The following NUP133 variants were observed in gnomAD, a reference collection of about 807,000 sequenced individuals.
The protein encoded by NUP133 is nuclear pore complex protein Nup133.
NUP133 carries 66 observed loss-of-function variants against 146.2 expected under a neutral mutation model. The observed-to-expected ratio is 0.45, with a 90% CI of 0.37 to 0.55. The LOEUF is 0.55. Among genes scored for constraint, NUP133 ranks in the 20% least tolerant of loss-of-function variants. The probability of loss-of-function intolerance (pLI) is 0.00; values close to 1 mark genes in which losing one functional copy is unlikely to be tolerated. For missense variants in NUP133, 1,277 were observed against 1,374.8 expected (o/e 0.93, Z 1.12); for synonymous variants, 521 against 498.8 (o/e 1.04, Z -0.59).
At chr1:229,457,601 A>AT (rs1167414035) in intron 21 of NUP133, among the ~76,000 whole-genome samples, 2 of 152,056 alleles carry the variant, frequency 1.3e-5, no homozygotes, top group African/African-American at 4.8e-5. Flanking sequence ...TTTTGTTTTA[A>AT]TTTTGCATTA....
rs1027483669 is a variant in NUP133, at chr1:229,484,122, T to C, written c.1524A>G (p.Thr508=). The C allele has an allele frequency of 3.1e-6, 5 of 1,613,334 alleles. No individual in the cohort carries two copies. Among genetic ancestry groups the C allele is most frequent in the Non-Finnish European group, 4.2e-6 (5 of 1,179,554 alleles). ...CTTCCTGGGCTATAGTTTCATTCTT[T>C]GTAGTGGTCTCAAAAATCATACTCT... ...NSESMIFETT[T]KNETIAQEDK... Residue 508 remains threonine, a synonymous_variant, in exon 12 of 26, where the codon ACA becomes ACG. Transcript: ENST00000261396.
At chr1:229,477,470 A>T in intron 13 of NUP133, 127 bp downstream of exon 13, 1 of 721,952 alleles carries the variant, frequency 1.4e-6, no homozygotes. Context: ...AGGTCACAAT[A>T]TTTTAAAAAA....
intron 10 of NUP133, among the ~76,000 whole-genome samples, chr1:229,487,239 T>C (rs1321912721): frequency 6.6e-6 from 1 of 152,190 alleles, no homozygotes; most frequent in African/African-American, 2.4e-5. Flanking sequence ...CATCTTCTCC[T>C]GGAACAAATG....
intron 12 of NUP133, 103 bp from the exon 13 acceptor site, chr1:229,477,863 A>G: frequency 2.4e-6 from 2 of 822,100 alleles, no homozygotes; most frequent in Non-Finnish European, 3.7e-6. Context: ...AAAAAAAAGA[A>G]TGCGATCCTG....
intron 8 of NUP133, 134 bp from the exon 9 acceptor site, chr1:229,490,236 CAG>C (rs1459378120): frequency 7.0e-6 from 5 of 715,960 alleles, no homozygotes; most frequent in Non-Finnish European, 1.0e-5. Context: ...AATTTAAAAA[CAG>C]AAACAGAAAA....
At position 229,464,719 on chromosome 1, in the gene NUP133, T is replaced by C. The variant is rs753746303; in HGVS notation, c.2456A>G (p.Gln819Arg). The C allele has an allele frequency of 1.2e-6, 2 of 1,614,206 alleles. No homozygotes were observed. Among genetic ancestry groups the C allele is most frequent in the Non-Finnish European group, 8.5e-7 (1 of 1,180,044 alleles). ...ACTGGATTTATCCACAGACTTAAGC[T>C]GAGAAACATAACCATCCAGGAAGCA... ...IDCFLDGYVS[Q>R]LKSVDKSSNR... The change falls in exon 18 of 26, where the codon CAG (glutamine) becomes CGG (arginine). Residue 819 changes from glutamine (Q) to arginine (R), a missense_variant. Physicochemically the swap from Gln to Arg is conservative, Grantham distance 43. Around this residue, in one of 3 missense-constraint regions of NUP133, gnomAD observed 952 missense variants for 1,047.0 expected, o/e 0.91. Coordinates refer to ENST00000261396, the MANE Select transcript of NUP133 (RefSeq NM_018230.3).
intron 12 of NUP133, among the ~76,000 whole-genome samples, chr1:229,483,355 C>G (rs1347124735): frequency 6.6e-6 from 1 of 152,140 alleles, no homozygotes; most frequent in Admixed American, 6.5e-5. Context: ...TCTGCCTCAG[C>G]CTCCCAAAGT....
chr1:229,492,908 T>C (rs938863049), intron 8 of NUP133, among the ~76,000 whole-genome samples: 15 of 151,754 alleles, frequency 9.9e-5, no homozygotes, highest in Non-Finnish European at 4.4e-5. Context: ...CCAAAAACCA[T>C]TGAAATAAAA....
Position 229,484,119 on chromosome 1 carries a change from C to A in NUP133, c.1527G>T (p.Lys509Asn), listed in dbSNP as rs760389221. The change falls in exon 12 of 26, where the codon AAG becomes AAT. Residue 509 changes from lysine (K) to asparagine (N), a missense_variant. By Grantham distance (94) the Lys-to-Asn change is moderately conservative. Transcript: ENST00000261396. Reference sequence around the variant, plus strand: ...TATCTTCCTGGGCTATAGTTTCATTCTTTGTAGTGGTCTCAAAAATCATAC... The same window carrying A: ...TATCTTCCTGGGCTATAGTTTCATTATTTGTAGTGGTCTCAAAAATCATAC... ...SESMIFETTTKNETIAQEDKI... is the reference protein window; with the variant it reads ...SESMIFETTTNNETIAQEDKI... The A allele has an allele frequency of 6.2e-7, 1 of 1,613,134 alleles. No individual in the cohort carries two copies. Among genetic ancestry groups the A allele is most frequent in the African/African-American group, 1.3e-5 (1 of 74,894 alleles).
intron 2 of NUP133, among the ~76,000 whole-genome samples, chr1:229,505,725 A>G (rs1661918241): frequency 6.6e-6 from 1 of 151,924 alleles, no homozygotes; most frequent in Admixed American, 6.6e-5. Flanking sequence ...TGTCTCTACT[A>G]AAAATACAAA....
At chr1:229,466,334 GA>G (rs34261379) in intron 16 of NUP133, among the ~76,000 whole-genome samples, 88,622 of 151,466 alleles carry the variant, frequency 0.59, 26,367 homozygotes, top group Middle Eastern at 0.78. Flanking sequence ...CCTTCTCTCA[GA>G]AAAAAAACCA....
chr1:229,450,445 A>T, intron 23 of NUP133, 80 bp downstream of exon 23: 4 of 668,532 alleles, frequency 6.0e-6, no homozygotes, highest in East Asian at 2.9e-5. Context: ...ATTCATTTTC[A>T]TGATTGACTA....
chr1:229,466,677 A>G lies in NUP133; in HGVS notation c.2156T>C (p.Ile719Thr). 2 of 1,614,112 alleles carry G rather than the reference A, an allele frequency of 1.2e-6. No homozygotes were observed. Among genetic ancestry groups the G allele is most frequent in the Non-Finnish European group, 8.5e-7 (1 of 1,179,976 alleles). ...ATTGATCACCACTTCAGCCCATTCA[A>G]TGGAATCCATAGGTGCATCCCTCAA... is the stretch of plus-strand genomic sequence containing the variant. ...QVLRDAPMDS[I>T]EWAEVVINVN... The change falls in exon 16 of 26, where the codon ATT (isoleucine) becomes ACT (threonine). Residue 719 changes from isoleucine (I) to threonine (T), a missense_variant. Ile to Thr is a moderately conservative substitution (Grantham distance 89). This residue lies in a region of NUP133 where 952 missense variants were observed against 1,047.0 expected (regional missense o/e 0.91). Coordinates refer to ENST00000261396, the MANE Select transcript of NUP133 (RefSeq NM_018230.3).
chr1:229,496,968 G>T (rs1661671475), intron 6 of NUP133, among the ~76,000 whole-genome samples: 2 of 152,234 alleles, frequency 1.3e-5, no homozygotes, highest in African/African-American at 4.8e-5. Context: ...TTGGCAGAAT[G>T]TATGTAGTTA....
In NUP133 at chr1:229,477,716, G is replaced by A; in HGVS notation, c.1637C>T (p.Ser546Phe). The A allele has an allele frequency of 6.2e-7, 1 of 1,613,840 alleles. No individual in the cohort carries two copies. Among genetic ancestry groups the A allele is most frequent in the Non-Finnish European group, 8.5e-7 (1 of 1,179,892 alleles). Reference sequence around the variant, plus strand: ...ATCAGAATCCAAATCAGAGTGAGAGGAAAAGAGCTCATCAACCACCATTTG... The same window carrying A: ...ATCAGAATCCAAATCAGAGTGAGAGAAAAAGAGCTCATCAACCACCATTTG... Reference protein sequence around the residue: ...HAQMVVDELFSSHSDLDSDSE... With the variant: ...HAQMVVDELFFSHSDLDSDSE... Residue 546 changes from serine (S) to phenylalanine (F), a missense_variant, in exon 13 of 26, where the codon TCC (serine) becomes TTC (phenylalanine). Ser to Phe is a radical substitution (Grantham distance 155). Coordinates refer to ENST00000261396, the MANE Select transcript of NUP133 (RefSeq NM_018230.3).
Position 229,463,545 on chromosome 1 carries a change from G to C in NUP133, c.2683C>G (p.Gln895Glu), listed in dbSNP as rs768386336. 6.2e-7 allele frequency: 1 copy of C among 1,613,730 alleles called. No homozygotes were observed. Among genetic ancestry groups the C allele is most frequent in the Non-Finnish European group, 8.5e-7 (1 of 1,179,892 alleles). ...LQRYMTQFAD[Q>E]NFSDFLFRWY... ...GCCACACACCCAACACTCATCACCT[G>C]ATCAGCAAACTGGGTCATGTAGCGC... Residue 895 changes from glutamine (Q) to glutamate (E), a missense_variant and splice_region_variant, in exon 19 of 26, where the codon CAG becomes GAG. By Grantham distance (29) the Gln-to-Glu change is conservative. This residue lies in a region of NUP133 where 952 missense variants were observed against 1,047.0 expected (regional missense o/e 0.91). Coordinates refer to ENST00000261396, the MANE Select transcript of NUP133 (RefSeq NM_018230.3).
At chr1:229,486,630 A>G (rs1661357687) in intron 10 of NUP133, 102 bp from the exon 11 acceptor site, 1 of 1,147,972 alleles carries the variant, frequency 8.7e-7, no homozygotes, top group Admixed American at 2.9e-5. Flanking sequence ...TGATATATTA[A>G]GCACATTTTT....
intron 13 of NUP133, among the ~76,000 whole-genome samples, chr1:229,476,695 G>A (rs557230222): frequency 3.5e-4 from 53 of 152,208 alleles, no homozygotes; most frequent in African/African-American, 1.2e-3. Flanking sequence ...AGATCAAAGC[G>A]GGTGGACCAC....
At chr1:229,470,908 A>T in intron 14 of NUP133, 104 bp from the exon 15 acceptor site, 1 of 930,200 alleles carries the variant, frequency 1.1e-6, no homozygotes, top group Non-Finnish European at 1.7e-6. Context: ...CACTGGCCCC[A>T]GCTTTCCCCC....
Sources: allele counts gnomAD v4.1 joint callset (sites outside exome capture counted in the v4.1 genomes callset), GRCh38; gene constraint gnomAD v4.1.1; regional missense constraint gnomAD v4.1.1; transcripts MANE v1.5; gene names NCBI Gene and HGNC (gene_info 2026-07-23, HGNC 2026-07-21).